The following OR3A2 variants were observed in gnomAD, a reference collection of about 807,000 sequenced individuals.
OR3A2 encodes the protein olfactory receptor 3A2.
For missense variants in OR3A2, 318 were observed against 392.8 expected (o/e 0.81, Z 1.61); for synonymous variants, 126 against 159.3 (o/e 0.79, Z 1.57).
At chr17:3,299,156 A>G (rs1723466655) in intron 3 of OR3A2, among the ~76,000 whole-genome samples, 1 of 152,146 alleles carries the variant, frequency 6.6e-6, no homozygotes, top group Non-Finnish European at 1.5e-5. Context: ...GCCACAGTGG[A>G]TCTAATGGTG....
chr17:3,378,374 C>T (rs1054334101), intron 2 of OR3A2, among the ~76,000 whole-genome samples: 12 of 152,228 alleles, frequency 7.9e-5, no homozygotes, highest in African/African-American at 1.9e-4. Flanking sequence ...TGCCCAGGCT[C>T]GGCCACAACT....
chr17:3,284,205 G>T (rs1406041848), intron 1 of OR3A2, among the ~76,000 whole-genome samples, 153 bp downstream of exon 3: 1 of 149,906 alleles, frequency 6.7e-6, no homozygotes, highest in Non-Finnish European at 1.5e-5. Flanking sequence ...AACCACAAAA[G>T]AACCCAGGAC....
Position 3,291,807 on chromosome 17 carries a change from A to G in OR3A2, c.-84-12654T>C, listed in dbSNP as rs149475886. The stretch of plus-strand genomic sequence containing the variant: ...TGAACCCAGTCGCATATAGTTAAAG[A>G]TACCTGAACCATAGAATATGGCAAC... On this transcript the variant is annotated intron_variant, in intron 3 of 4. Transcript: ENST00000573491. The G allele has an allele frequency of 4.8e-5, 77 of 1,613,486 alleles. No individual in the cohort carries two copies. The highest frequency in any genetic ancestry group is 5.8e-5 in the Non-Finnish European group (68 of 1,179,472).
chr17:3,326,088 G>C (rs760648081), intron 3 of OR3A2, among the ~76,000 whole-genome samples: 4 of 152,068 alleles, frequency 2.6e-5, no homozygotes, highest in Non-Finnish European at 5.9e-5. Context: ...ATGGCTTCCA[G>C]CTCCATCCAT....
At chr17:3,320,653 T>G (rs2049113302) in intron 3 of OR3A2, among the ~76,000 whole-genome samples, 1 of 151,676 alleles carries the variant, frequency 6.6e-6, no homozygotes, top group Non-Finnish European at 1.5e-5. Context: ...CCCCATTGCT[T>G]GGTTTTCTCA....
chr17:3,295,175 G>C (rs2048909503), intron 3 of OR3A2, among the ~76,000 whole-genome samples: 1 of 152,180 alleles, frequency 6.6e-6, no homozygotes, highest in African/African-American at 2.4e-5. Context: ...AAAGGAGATA[G>C]GAGGACGTAT....
At chr17:3,301,436 T>C (rs1319916350) in intron 3 of OR3A2, among the ~76,000 whole-genome samples, 1 of 152,224 alleles carries the variant, frequency 6.6e-6, no homozygotes, top group South Asian at 2.1e-4. Flanking sequence ...ATTTCTCTGA[T>C]GGCCAGTGAT....
intron 2 of OR3A2, among the ~76,000 whole-genome samples, chr17:3,358,544 C>T (rs2049481637): frequency 6.6e-6 from 1 of 151,638 alleles, no homozygotes; most frequent in South Asian, 2.1e-4. Context: ...ATTCAAAAGT[C>T]ATTCAGGAGC....
At chr17:3,352,480 AG>A in intron 2 of OR3A2, among the ~76,000 whole-genome samples, 1 of 151,984 alleles carries the variant, frequency 6.6e-6, no homozygotes, top group Non-Finnish European at 1.5e-5. Context: ...ATGGATATCC[AG>A]TTTTCCCAAC....
intron 3 of OR3A2, among the ~76,000 whole-genome samples, chr17:3,333,865 G>T (rs2049258356): frequency 6.6e-6 from 1 of 151,998 alleles, no homozygotes; most frequent in Admixed American, 6.6e-5. Context: ...TCTGAAAAAG[G>T]TCTAATATCC....
At chr17:3,308,956 A>G (rs1243748383) in intron 3 of OR3A2, among the ~76,000 whole-genome samples, 7 of 151,966 alleles carry the variant, frequency 4.6e-5, no homozygotes, top group Admixed American at 4.6e-4. Flanking sequence ...CCCAGGCTAG[A>G]GTACAGTGGC....
intron 1 of OR3A2, among the ~76,000 whole-genome samples, chr17:3,283,858 G>C (rs1045720292): frequency 6.7e-6 from 1 of 148,514 alleles, no homozygotes; most frequent in Non-Finnish European, 1.5e-5. Flanking sequence ...CCCTCAGACA[G>C]CTAGAGATAC....
chr17:3,352,170 T>C (rs1238067391), intron 2 of OR3A2, among the ~76,000 whole-genome samples: 1 of 151,994 alleles, frequency 6.6e-6, no homozygotes, highest in African/African-American at 2.4e-5. Context: ...GCCAGATGGG[T>C]AGTTTGCAAA....
chr17:3,303,278 A>G (rs2048978462), intron 3 of OR3A2, among the ~76,000 whole-genome samples: 1 of 152,226 alleles, frequency 6.6e-6, no homozygotes, highest in African/African-American at 2.4e-5. Flanking sequence ...TATTTCTTAA[A>G]TAAGTTGAAA....
At chr17:3,282,689 T>A (rs2048784853) in intron 1 of OR3A2, among the ~76,000 whole-genome samples, 1 of 152,262 alleles carries the variant, frequency 6.6e-6, no homozygotes, top group Non-Finnish European at 1.5e-5. Flanking sequence ...CTGGCCTGAT[T>A]ATCACTGACA....
chr17:3,356,827 T>G (rs567337398), intron 2 of OR3A2, among the ~76,000 whole-genome samples: 1 of 151,654 alleles, frequency 6.6e-6, no homozygotes, highest in South Asian at 2.1e-4. Context: ...TCCAACTGTC[T>G]CATCTTTCTA....
intron 3 of OR3A2, among the ~76,000 whole-genome samples, chr17:3,302,412 C>T (rs908436034): frequency 6.6e-5 from 10 of 152,282 alleles, no homozygotes; most frequent in African/African-American, 2.4e-4. Flanking sequence ...ACCAATGGAA[C>T]AGAACACAGC....
chr17:3,305,456 G>A (rs1375357715), intron 3 of OR3A2, among the ~76,000 whole-genome samples: 1 of 152,142 alleles, frequency 6.6e-6, no homozygotes, highest in Non-Finnish European at 1.5e-5. Context: ...GAGGTAACAA[G>A]GAATCTAGTC....
chr17:3,282,891 C>T (rs2048786153), intron 1 of OR3A2, among the ~76,000 whole-genome samples: 1 of 152,178 alleles, frequency 6.6e-6, no homozygotes, highest in Non-Finnish European at 1.5e-5. Context: ...AATGGTTTCC[C>T]TCCAACGGCA....
Sources: allele counts gnomAD v4.1 joint callset (sites outside exome capture counted in the v4.1 genomes callset), GRCh38; gene constraint gnomAD v4.1.1; transcripts MANE v1.5; gene names NCBI Gene and HGNC (gene_info 2026-07-23, HGNC 2026-07-21).